The following ZDHHC14 variants were observed in gnomAD, a reference collection of about 807,000 sequenced individuals.
ZDHHC14 encodes the protein zDHHC palmitoyltransferase 14.
Under a neutral mutation model 47.7 loss-of-function variants are expected in ZDHHC14, and 16 were observed. The observed-to-expected ratio is 0.34, with a 90% CI of 0.23 to 0.51. The LOEUF is 0.51. ZDHHC14 is among the 20% of genes least tolerant of loss of function. ZDHHC14 has a pLI of 0.97. For missense variants in ZDHHC14, 515 were observed against 662.5 expected (o/e 0.78, Z 2.44); for synonymous variants, 293 against 278.9 (o/e 1.05, Z -0.50).
At chr6:157,589,267 A>T (rs1562494544) in intron 2 of ZDHHC14, among the ~76,000 whole-genome samples, 1 of 152,104 alleles carries the variant, frequency 6.6e-6, no homozygotes. Flanking sequence ...GGAGAAATCC[A>T]CCCCCATGAT....
chr6:157,474,067 C>T (rs1779421755), intron 1 of ZDHHC14, among the ~76,000 whole-genome samples: 1 of 150,856 alleles, frequency 6.6e-6, no homozygotes, highest in Non-Finnish European at 1.5e-5. Context: ...AGACTCACTG[C>T]AGCCTCCACC....
chr6:157,653,700 A>G, intron 8 of ZDHHC14, 73 bp downstream of exon 8: 1 of 1,478,492 alleles, frequency 6.8e-7, no homozygotes, highest in South Asian at 1.2e-5. Context: ...GCCACCAAGC[A>G]GCCTTCCTAG....
At chr6:157,670,647 C>G (rs1014925868) in intron 8 of ZDHHC14, among the ~76,000 whole-genome samples, 5 of 152,096 alleles carry the variant, frequency 3.3e-5, no homozygotes, top group Non-Finnish European at 7.4e-5. Context: ...AACCCTACTC[C>G]CCTCCCCTCC....
At chr6:157,520,354 C>A (rs1780870364) in intron 1 of ZDHHC14, among the ~76,000 whole-genome samples, 1 of 152,182 alleles carries the variant, frequency 6.6e-6, no homozygotes, top group South Asian at 2.1e-4. Context: ...ATACAGATTA[C>A]CTGGTAGTCA....
rs532074101 is a variant in ZDHHC14, at chr6:157,607,692, A to G, written c.565+14546A>G. Among the ~76,000 whole-genome samples, 18 of 152,322 alleles carry G rather than the reference A, an allele frequency of 1.2e-4. No individual in the cohort carries two copies. The Middle Eastern group carries it at 0.01, about 86-fold the overall frequency. The stretch of plus-strand genomic sequence containing the variant: ...ATCTTCATGGCTGTTTAAACGTTGG[A>G]GAGCCTTTGTTCCCTCTCGTTGTCC... On this transcript the variant is annotated intron_variant, in intron 3 of 8. Coordinates refer to ENST00000359775, the MANE Select transcript of ZDHHC14 (RefSeq NM_024630.3).
intron 1 of ZDHHC14, among the ~76,000 whole-genome samples, chr6:157,441,238 G>C (rs1049928124): frequency 6.6e-6 from 1 of 152,206 alleles, no homozygotes; most frequent in African/African-American, 2.4e-5. Flanking sequence ...TCAGATTTTT[G>C]TAGGCTTTGC....
At chr6:157,665,413 C>A (rs1778511719) in intron 8 of ZDHHC14, among the ~76,000 whole-genome samples, 1 of 152,136 alleles carries the variant, frequency 6.6e-6, no homozygotes. Flanking sequence ...GGAGGAGCCT[C>A]TGGAGACAGA....
At chr6:157,468,252 G>A (rs9365022) in intron 1 of ZDHHC14, among the ~76,000 whole-genome samples, 2,632 of 152,256 alleles carry the variant, frequency 0.017, 37 homozygotes, top group Non-Finnish European at 0.023. Flanking sequence ...GACCTAATTC[G>A]TCTAGGAAAT....
intron 1 of ZDHHC14, among the ~76,000 whole-genome samples, chr6:157,422,319 A>AT (rs374185495): frequency 1.0e-4 from 15 of 150,402 alleles, no homozygotes; most frequent in East Asian, 3.9e-4. Flanking sequence ...TGCAAATTGT[A>AT]TTTTTTTTTT....
At chr6:157,483,938 G>A (rs143488010) in intron 1 of ZDHHC14, among the ~76,000 whole-genome samples, 59 of 152,206 alleles carry the variant, frequency 3.9e-4, no homozygotes, top group South Asian at 1.7e-3. Flanking sequence ...AATGTAGTAC[G>A]TAAACACCAT....
intron 8 of ZDHHC14, among the ~76,000 whole-genome samples, chr6:157,657,763 T>C (rs1778168959): frequency 6.6e-6 from 1 of 152,222 alleles, no homozygotes; most frequent in Non-Finnish European, 1.5e-5. Flanking sequence ...CAGCCAGTGA[T>C]AAAAGCTGTA....
intron 8 of ZDHHC14, among the ~76,000 whole-genome samples, chr6:157,657,721 T>C (rs1013745537): frequency 6.6e-6 from 1 of 152,224 alleles, no homozygotes. Flanking sequence ...TAGCACAGAA[T>C]TGTATAGTCA....
At chr6:157,548,571 C>T (rs1021304390) in intron 2 of ZDHHC14, among the ~76,000 whole-genome samples, 1 of 152,172 alleles carries the variant, frequency 6.6e-6, no homozygotes, top group Non-Finnish European at 1.5e-5. Flanking sequence ...CTCAGCCTCC[C>T]GAGTAGCTGG....
chr6:157,446,912 A>T (rs1043506698), intron 1 of ZDHHC14, among the ~76,000 whole-genome samples: 3 of 151,806 alleles, frequency 2.0e-5, no homozygotes, highest in African/African-American at 4.8e-5. Flanking sequence ...TGAGGTCAGG[A>T]GTTCGAGACT....
chr6:157,650,890 G>A (rs1444547566), intron 7 of ZDHHC14, among the ~76,000 whole-genome samples: 1 of 152,180 alleles, frequency 6.6e-6, no homozygotes, highest in Non-Finnish European at 1.5e-5. Flanking sequence ...TGGGACAGGG[G>A]GTCGGTGCTT....
In ZDHHC14 at chr6:157,582,041, A is replaced by G. The variant is rs1783539216; in HGVS notation, c.407-10947A>G. On this transcript the variant is annotated intron_variant, in intron 2 of 8. Transcript: ENST00000359775. The surrounding 1 kb of genome is among the most constrained non-coding windows in gnomAD (Gnocchi z 4.3). ...CTCCTGAGTAGCTGGAACTACAGGC[A>G]CACGCCACCATGCCTGGCTAATTTT... is the stretch of plus-strand genomic sequence containing the variant. 6.6e-6 allele frequency among the ~76,000 whole-genome samples: 1 copy of G among 152,096 alleles called. No individual in the cohort carries two copies. Among genetic ancestry groups the G allele is most frequent in the Non-Finnish European group, 1.5e-5 (1 of 68,020 alleles).
intron 2 of ZDHHC14, among the ~76,000 whole-genome samples, chr6:157,591,334 G>C (rs1387455347): frequency 1.3e-5 from 2 of 152,168 alleles, no homozygotes; most frequent in South Asian, 4.1e-4. Flanking sequence ...CCCATAATCT[G>C]TACATGTCAT....
chr6:157,542,398 G>C (rs1226856649), intron 1 of ZDHHC14, among the ~76,000 whole-genome samples, 187 bp from the exon 2 acceptor site: 1 of 152,194 alleles, frequency 6.6e-6, no homozygotes, highest in African/African-American at 2.4e-5. Context: ...TCAATTGTCT[G>C]TAAGACAGAA....
chr6:157,665,685 A>G (rs1778522999), intron 8 of ZDHHC14, among the ~76,000 whole-genome samples: 1 of 152,256 alleles, frequency 6.6e-6, no homozygotes, highest in Non-Finnish European at 1.5e-5. Context: ...AAATATTGAT[A>G]GAAAGCTGGC....
Sources: allele counts gnomAD v4.1 joint callset (sites outside exome capture counted in the v4.1 genomes callset), GRCh38; gene constraint gnomAD v4.1.1; non-coding constraint Gnocchi (gnomAD v3.1); transcripts MANE v1.5; gene names NCBI Gene and HGNC (gene_info 2026-07-23, HGNC 2026-07-21).